The following IMPA1 variants were observed in gnomAD, a reference collection of about 807,000 sequenced individuals.
IMPA1 encodes inositol monophosphatase 1, also known as D-galactose 1-phosphate phosphatase.
In IMPA1, 21 loss-of-function variants were observed where a neutral mutation model predicts 34.9. That is an observed-to-expected ratio of 0.60 (90% CI 0.43 to 0.87). The LOEUF is 0.87. Ranked by LOEUF, IMPA1 falls within the 40% of genes least tolerant of loss-of-function variation. IMPA1 has a pLI of 0.00. For missense variants in IMPA1, 299 were observed against 336.4 expected (o/e 0.89, Z 0.87); for synonymous variants, 95 against 104.4 (o/e 0.91, Z 0.55).
intron 5 of IMPA1, among the ~76,000 whole-genome samples, chr8:81,675,148 G>A (rs751699322): frequency 1.3e-5 from 2 of 152,116 alleles, no homozygotes; most frequent in Non-Finnish European, 2.9e-5. Context: ...CACTTGCAGT[G>A]CTTCCCTCTC....
chr8:81,661,054 T>A (rs745329639), intron 7 of IMPA1, among the ~76,000 whole-genome samples: 7 of 152,098 alleles, frequency 4.6e-5, no homozygotes, highest in African/African-American at 1.4e-4. Context: ...CTCTAGGAGG[T>A]GTAAAATATC....
rs200237076 is a variant in IMPA1, at chr8:81,679,181, C to A, written c.247G>T (p.Asp83Tyr). The change falls in exon 4 of 9, where the codon GAC becomes TAC. Residue 83 changes from aspartate to tyrosine, a missense_variant. Physicochemically the swap from Asp to Tyr is radical, Grantham distance 160. Coordinates refer to ENST00000256108, the MANE Select transcript of IMPA1 (RefSeq NM_005536.4). ...GGGTCAATGATCCATGTGGGGTTGT[C>A]GGTTAAGATACTTTTTTCCCCAGCT... is the stretch of plus-strand genomic sequence containing the variant. ...VAAGEKSILT[D>Y]NPTWIIDPID... 6.2e-7 allele frequency: 1 copy of A among 1,613,928 alleles called. No individual in the cohort carries two copies. The highest frequency in any genetic ancestry group is 8.5e-7 in the Non-Finnish European group (1 of 1,179,886).
intron 5 of IMPA1, chr8:81,674,896 T>G (rs971499887): frequency 3.4e-5 from 15 of 438,468 alleles, no homozygotes; most frequent in African/African-American, 2.7e-4. Flanking sequence ...TCCTTCCCCA[T>G]AAATCTCCTT....
In IMPA1 at chr8:81,658,469, CTGAACTT is replaced by C; in HGVS notation, c.*875_*881del. 2 of 152,378 alleles carry C rather than the reference CTGAACTT, an allele frequency of 1.3e-5. No homozygotes were observed. Among genetic ancestry groups the C allele is most frequent in the Non-Finnish European group, 2.9e-5 (2 of 68,018 alleles). 9.4% of individuals were successfully genotyped at this position (152,378 alleles called of 1,614,324 possible). On this transcript the variant is annotated 3_prime_UTR_variant, in exon 9 of 9. Coordinates refer to ENST00000256108, the MANE Select transcript of IMPA1 (RefSeq NM_005536.4). ...TATAAACACCTTTAAAACATGAATA[CTGAACTT>C]AGTAAAATGTTATATTGTATCTAAT...
Position 81,660,395 on chromosome 8 carries a change from T to C in IMPA1, c.718+121A>G, listed in dbSNP as rs540834664. ...CTTATTTTGATTTTGCACACAATTA[T>C]ATAGCTTGTTTCTGCTTCAAAAACT... is the stretch of plus-strand genomic sequence containing the variant. On this transcript the variant is annotated intron_variant, in intron 8 of 8. Transcript: ENST00000256108. 1.4e-4 allele frequency: 104 copies of C among 750,902 alleles called. 2 individuals carry two copies. In the South Asian group the frequency reaches 1.9e-3, roughly 14 times the overall value. 46.5% of individuals were successfully genotyped at this position (750,902 alleles called of 1,614,324 possible). A position where few individuals can be genotyped will look rare whatever the true frequency, so the allele number is the denominator to read the frequency against.
At chr8:81,677,997 T>G (rs1210412579) in intron 4 of IMPA1, among the ~76,000 whole-genome samples, 1 of 152,222 alleles carries the variant, frequency 6.6e-6, no homozygotes, top group Admixed American at 6.5e-5. Flanking sequence ...GTTCTTACAT[T>G]AATGTACTAC....
At chr8:81,667,137 T>C (rs1384923858) in intron 7 of IMPA1, among the ~76,000 whole-genome samples, 1 of 151,710 alleles carries the variant, frequency 6.6e-6, no homozygotes, top group Non-Finnish European at 1.5e-5. Flanking sequence ...ACAAAAAAAA[T>C]TAATTAGGTA....
At position 81,657,156 on chromosome 8, in the gene IMPA1, T is replaced by A. The variant is rs1806541178; in HGVS notation, c.*2195A>T. Among the ~76,000 whole-genome samples, 1 of 152,220 alleles carries A rather than the reference T, an allele frequency of 6.6e-6. No individual in the cohort carries two copies. Among genetic ancestry groups the A allele is most frequent in the Non-Finnish European group, 1.5e-5 (1 of 68,034 alleles). Reference sequence around the variant, plus strand: ...CAGACACAAAATATGCAACTGCATTTAGAATAAACAGATGGAAAAGCTATT... The same window carrying A: ...CAGACACAAAATATGCAACTGCATTAAGAATAAACAGATGGAAAAGCTATT... On this transcript the variant is annotated 3_prime_UTR_variant, in exon 9 of 9. Transcript: ENST00000256108.
intron 4 of IMPA1, chr8:81,678,623 T>C (rs1462382139): frequency 5.4e-6 from 1 of 184,434 alleles, no homozygotes; most frequent in Non-Finnish European, 1.2e-5. Context: ...ACCCGGGAGG[T>C]GGGGGTTGCA....
intron 7 of IMPA1, among the ~76,000 whole-genome samples, chr8:81,668,702 C>T (rs534384958): frequency 4.6e-5 from 7 of 152,286 alleles, no homozygotes; most frequent in South Asian, 2.1e-4. Flanking sequence ...AGGAGGAAAC[C>T]GAGGGTTAGC....
chr8:81,668,060 T>C (rs190227015), intron 7 of IMPA1, among the ~76,000 whole-genome samples: 3 of 152,200 alleles, frequency 2.0e-5, no homozygotes, highest in Admixed American at 2.0e-4. Flanking sequence ...CCTGACCTCG[T>C]GATCCACCTG....
intron 2 of IMPA1, 68 bp from the exon 3 acceptor site, chr8:81,680,851 T>A: frequency 8.5e-7 from 1 of 1,179,656 alleles, no homozygotes; most frequent in South Asian, 1.3e-5. Context: ...AATACATAAA[T>A]GGTTTAAGAC....
At chr8:81,674,857 A>G (rs1024426249) in intron 5 of IMPA1, 3 of 455,770 alleles carry the variant, frequency 6.6e-6, no homozygotes, top group African/African-American at 4.0e-5. Flanking sequence ...TTCAAAGACA[A>G]AATCATTCAT....
At chr8:81,678,308 T>C (rs965424145) in intron 4 of IMPA1, among the ~76,000 whole-genome samples, 3 of 152,066 alleles carry the variant, frequency 2.0e-5, no homozygotes, top group African/African-American at 7.2e-5. Flanking sequence ...TCGACAGCAC[T>C]CCCCAAGAGT....
At chr8:81,675,263 C>T (rs1388120026) in intron 5 of IMPA1, among the ~76,000 whole-genome samples, 1 of 151,234 alleles carries the variant, frequency 6.6e-6, no homozygotes, top group Non-Finnish European at 1.5e-5. Context: ...CCCACCCCCG[C>T]CAATCTGGAA....
At chr8:81,659,610 A>C (rs1806605917) in intron 8 of IMPA1, 144 bp from the exon 9 acceptor site, 6 of 609,608 alleles carry the variant, frequency 9.8e-6, no homozygotes, top group Non-Finnish European at 1.4e-5. Flanking sequence ...ACATTTCTAC[A>C]ATGTATAAGC....
chr8:81,667,909 C>T lies in IMPA1; in HGVS notation c.566+3030G>A, dbSNP rs1048916578. Among the ~76,000 whole-genome samples the T allele has an allele frequency of 5.9e-5, 9 of 151,802 alleles. No individual in the cohort carries two copies. The South Asian group carries it at 1.0e-3, about 18-fold the overall frequency. ...CACGATCTCGGCTCACTGCAAGCTC[C>T]GCCTCCCAGTTTCACGCCATTCTCC... On this transcript the variant is annotated intron_variant, in intron 7 of 8. Coordinates refer to ENST00000256108, the MANE Select transcript of IMPA1 (RefSeq NM_005536.4).
chr8:81,668,375 A>C (rs529836803), intron 7 of IMPA1, among the ~76,000 whole-genome samples: 1 of 152,300 alleles, frequency 6.6e-6, no homozygotes, highest in African/African-American at 2.4e-5. Context: ...GCTTGAGCCC[A>C]GGAGTTGGAG....
At chr8:81,670,879 A>T in intron 7 of IMPA1, 60 bp downstream of exon 7, 4 of 767,344 alleles carry the variant, frequency 5.2e-6, no homozygotes, top group Non-Finnish European at 8.4e-6. Flanking sequence ...GAAAAAAAAA[A>T]GGTGTGTGCA....
Sources: allele counts gnomAD v4.1 joint callset (sites outside exome capture counted in the v4.1 genomes callset), GRCh38; gene constraint gnomAD v4.1.1; transcripts MANE v1.5; gene names NCBI Gene and HGNC (gene_info 2026-07-23, HGNC 2026-07-21).